The following PLCH1 variants were observed in gnomAD, a reference collection of about 807,000 sequenced individuals.
PLCH1 encodes the protein 1-phosphatidylinositol 4,5-bisphosphate phosphodiesterase eta-1.
In PLCH1, 60 loss-of-function variants were observed where a neutral mutation model predicts 126.7. That is an observed-to-expected ratio of 0.47 (90% CI 0.38 to 0.59). The LOEUF (loss-of-function observed/expected upper bound fraction) is 0.59, where lower values mean the gene tolerates loss of function less well. PLCH1 is among the 20% of genes least tolerant of loss of function. The probability of loss-of-function intolerance (pLI) is 0.00; values close to 1 mark genes in which losing one functional copy is unlikely to be tolerated. For missense variants in PLCH1, 1,723 were observed against 2,040.0 expected (o/e 0.84, Z 2.99); for synonymous variants, 719 against 734.9 (o/e 0.98, Z 0.35).
Position 155,481,676 on chromosome 3 carries a change from A to T in PLCH1, c.4350T>A (p.Cys1450Ter). 6.2e-7 allele frequency: 1 copy of T among 1,614,220 alleles called. No homozygotes were observed. Among genetic ancestry groups the T allele is most frequent in the Non-Finnish European group, 8.5e-7 (1 of 1,180,040 alleles). Residue 1450 changes from cysteine to a stop codon, truncating the protein, a stop_gained, in exon 23 of 23, where the codon TGT becomes TGA. Coordinates refer to ENST00000460012, the MANE Select transcript of PLCH1 (RefSeq NM_014996.4). LOFTEE classifies it low-confidence loss of function (END_TRUNC). This position sits in a 1 kb window ranked among gnomAD's most constrained non-coding sequence, Gnocchi z 4.2. ...SDSDAKMFQT[C>*]VPQQSSAQDM... ...CTTGAGCACTAGATTGCTGGGGCAC[A>T]CAGGTCTGGAACATTTTTGCATCTG... is the stretch of plus-strand genomic sequence containing the variant.
At chr3:155,519,892 GC>G (rs1337488437) in intron 11 of PLCH1, among the ~76,000 whole-genome samples, 1 of 150,450 alleles carries the variant, frequency 6.6e-6, no homozygotes, top group Non-Finnish European at 1.5e-5. Context: ...ATATATTGCT[GC>G]CCTTTCTGAG....
intron 11 of PLCH1, among the ~76,000 whole-genome samples, chr3:155,523,266 G>A (rs1175980130): frequency 1.3e-4 from 20 of 152,092 alleles, no homozygotes; most frequent in Admixed American, 5.9e-4. Flanking sequence ...GTGAGCCACC[G>A]CGCCAGGCCT....
chr3:155,701,811 A>G (rs1053109157), intron 2 of PLCH1, among the ~76,000 whole-genome samples: 11 of 152,174 alleles, frequency 7.2e-5, no homozygotes, highest in Non-Finnish European at 2.9e-5. Context: ...GTAAGTTCCT[A>G]TGTTAACAGA....
At chr3:155,644,102 G>A (rs1739721687) in intron 2 of PLCH1, among the ~76,000 whole-genome samples, 1 of 152,078 alleles carries the variant, frequency 6.6e-6, no homozygotes, top group African/African-American at 2.4e-5. Flanking sequence ...TCAACAGACA[G>A]GTATACATAC....
At chr3:155,543,630 G>A (rs1724737162) in intron 10 of PLCH1, among the ~76,000 whole-genome samples, 1 of 152,132 alleles carries the variant, frequency 6.6e-6, no homozygotes, top group Non-Finnish European at 1.5e-5. Flanking sequence ...GTTAAGGGCA[G>A]CCAGAGAGAA....
intron 2 of PLCH1, among the ~76,000 whole-genome samples, chr3:155,602,834 C>CAT (rs1050292937): frequency 1.3e-5 from 2 of 152,110 alleles, no homozygotes; most frequent in Non-Finnish European, 2.9e-5. Context: ...CACACACACA[C>CAT]ATATATACAT....
chr3:155,497,673 T>C (rs1386717082), intron 14 of PLCH1, among the ~76,000 whole-genome samples: 1 of 152,192 alleles, frequency 6.6e-6, no homozygotes, highest in Non-Finnish European at 1.5e-5. Flanking sequence ...AACCATGGTC[T>C]AAAAATATTA....
At chr3:155,641,147 A>G (rs1378449343) in intron 2 of PLCH1, among the ~76,000 whole-genome samples, 1 of 151,930 alleles carries the variant, frequency 6.6e-6, no homozygotes, top group Non-Finnish European at 1.5e-5. Context: ...TGAGCCCTAT[A>G]GCCTCCGTGT....
At chr3:155,728,726 C>G (rs1577377361) in intron 1 of PLCH1, among the ~76,000 whole-genome samples, 1 of 152,308 alleles carries the variant, frequency 6.6e-6, no homozygotes, top group Admixed American at 6.5e-5. Flanking sequence ...TCCCTATTCT[C>G]ATATCAGGAT....
chr3:155,581,565 T>A (rs1371670485), intron 6 of PLCH1, among the ~76,000 whole-genome samples: 1 of 152,120 alleles, frequency 6.6e-6, no homozygotes, highest in African/African-American at 2.4e-5. Flanking sequence ...CATATATGAT[T>A]CCCTTTATAT....
At chr3:155,672,876 T>G (rs1743672497) in intron 2 of PLCH1, among the ~76,000 whole-genome samples, 1 of 152,100 alleles carries the variant, frequency 6.6e-6, no homozygotes, top group African/African-American at 2.4e-5. Context: ...TCATCTTAGC[T>G]AAGAAACTTG....
intron 10 of PLCH1, among the ~76,000 whole-genome samples, chr3:155,536,640 A>G (rs13097769): frequency 6.6e-6 from 1 of 152,112 alleles, no homozygotes; most frequent in Non-Finnish European, 1.5e-5. Flanking sequence ...AAAAAGAATT[A>G]AAAAAAGAAC....
chr3:155,716,854 C>T (rs1305170460), intron 1 of PLCH1, among the ~76,000 whole-genome samples: 3 of 152,192 alleles, frequency 2.0e-5, no homozygotes, highest in Non-Finnish European at 4.4e-5. Context: ...CCAACAGTCT[C>T]CCAAAGTCTT....
At chr3:155,519,781 T>C (rs1212655048) in intron 11 of PLCH1, among the ~76,000 whole-genome samples, 1 of 124,606 alleles carries the variant, frequency 8.0e-6, no homozygotes, top group Non-Finnish European at 1.7e-5. Context: ...ACCTTTGCTT[T>C]AAAAAAAAAA....
At chr3:155,530,770 TAGA>T (rs1001651183) in intron 10 of PLCH1, among the ~76,000 whole-genome samples, 1 of 152,244 alleles carries the variant, frequency 6.6e-6, no homozygotes, top group African/African-American at 2.4e-5. Context: ...GAATCCTTTC[TAGA>T]AGGTTTTCAA....
intron 2 of PLCH1, among the ~76,000 whole-genome samples, chr3:155,658,981 C>T (rs1328084878): frequency 1.3e-5 from 2 of 152,224 alleles, no homozygotes; most frequent in Non-Finnish European, 2.9e-5. Flanking sequence ...AACTGGTTGA[C>T]ATGAGTGAAA....
At chr3:155,662,334 G>C (rs1019050727) in intron 2 of PLCH1, among the ~76,000 whole-genome samples, 4 of 152,016 alleles carry the variant, frequency 2.6e-5, no homozygotes, top group Non-Finnish European at 5.9e-5. Context: ...TAGTCATAGT[G>C]GTGCACACCT....
chr3:155,527,158 G>C (rs1722062318), intron 10 of PLCH1, among the ~76,000 whole-genome samples: 1 of 152,182 alleles, frequency 6.6e-6, no homozygotes, highest in African/African-American at 2.4e-5. Context: ...TCTAAGAAAG[G>C]CTGCAAAAGC....
intron 1 of PLCH1, among the ~76,000 whole-genome samples, chr3:155,716,135 C>T (rs1320328788): frequency 6.6e-6 from 1 of 152,138 alleles, no homozygotes; most frequent in Non-Finnish European, 1.5e-5. Context: ...TATTTTGAAA[C>T]ACATTTCTAC....
Sources: allele counts gnomAD v4.1 joint callset (sites outside exome capture counted in the v4.1 genomes callset), GRCh38; gene constraint gnomAD v4.1.1; non-coding constraint Gnocchi (gnomAD v3.1); transcripts MANE v1.5; gene names NCBI Gene and HGNC (gene_info 2026-07-23, HGNC 2026-07-21).